Variants in STOX2 observed in about 807,000 individuals in gnomAD.
STOX2 encodes storkhead-box protein 2.
STOX2 carries 28 observed loss-of-function variants against 60.9 expected under a neutral mutation model. That is an observed-to-expected ratio of 0.46 (90% confidence interval 0.34 to 0.63). The LOEUF (loss-of-function observed/expected upper bound fraction) is 0.63. STOX2 is among the 30% of genes least tolerant of loss of function. The pLI is 0.01. For missense variants in STOX2, 1,024 were observed against 1,187.7 expected, an observed-to-expected ratio of 0.86 and a Z score of 2.03; for synonymous variants, 472 against 463.9, an observed-to-expected ratio of 1.02 and a Z score of -0.22.
intron 1 of STOX2, among the ~76,000 whole-genome samples, chr4:183,911,435 G>A (rs1741780289): frequency 1.3e-5 from 2 of 152,140 alleles, no homozygotes. Flanking sequence ...CGCTCCAACT[G>A]TGTTTTAATT....
At chr4:183,860,676 A>T (rs933709207) in intron 1 of STOX2, among the ~76,000 whole-genome samples, 7 of 152,216 alleles carry the variant, frequency 4.6e-5, no homozygotes, top group Admixed American at 2.0e-4. Flanking sequence ...TGCTATTCAG[A>T]GTAACTTAAG....
chr4:183,900,811 C>G (rs1157223056), upstream of STOX2, among the ~76,000 whole-genome samples: 1 of 152,070 alleles, frequency 6.6e-6, no homozygotes, highest in Non-Finnish European at 1.5e-5. Flanking sequence ...TAAATACATT[C>G]CCTTAAACAT....
chr4:183,999,993 T>C (rs1168108449), intron 1 of STOX2, among the ~76,000 whole-genome samples: 2 of 152,174 alleles, frequency 1.3e-5, no homozygotes, highest in Non-Finnish European at 2.9e-5. Flanking sequence ...TGGAAGTACA[T>C]TTAGGAAATC....
In STOX2 at chr4:183,820,579, T is replaced by C. The variant is rs1560830802; in HGVS notation, c.364+22524T>C. Among the ~76,000 whole-genome samples, 3 of 152,348 alleles carry C rather than the reference T, an allele frequency of 2.0e-5. No individual in the cohort carries two copies. In the South Asian group the frequency reaches 6.2e-4, roughly 32 times the overall value. On this transcript the variant is annotated intron_variant, in intron 1 of 2. Transcript: ENST00000513034. ...TTTATTCTTTACTGTTTTAAAACTT[T>C]GAGTTTTGAGTAAATTTCTTTTGAT...
intron 1 of STOX2, among the ~76,000 whole-genome samples, chr4:183,986,396 C>T (rs1732844440): frequency 6.6e-6 from 1 of 152,178 alleles, no homozygotes; most frequent in South Asian, 2.1e-4. Context: ...ACGGGGAGGA[C>T]TCAGCAGGAG....
intron 1 of STOX2, among the ~76,000 whole-genome samples, chr4:183,927,543 G>A (rs1299004899): frequency 1.3e-5 from 2 of 151,562 alleles, no homozygotes; most frequent in Non-Finnish European, 2.9e-5. Context: ...CTTAATTGCC[G>A]GTAATTACAA....
At chr4:183,924,892 G>A (rs114774557) in intron 1 of STOX2, among the ~76,000 whole-genome samples, 71 of 152,268 alleles carry the variant, frequency 4.7e-4, no homozygotes, top group African/African-American at 1.5e-3. Flanking sequence ...AGGTACATGC[G>A]TAGACCTCCC....
chr4:183,959,853 G>A (rs1743361337), intron 1 of STOX2, among the ~76,000 whole-genome samples: 1 of 152,112 alleles, frequency 6.6e-6, no homozygotes. Flanking sequence ...ATTCCATCTG[G>A]CTGGAGCTAC....
At chr4:183,998,408 G>A (rs776918369) in intron 1 of STOX2, among the ~76,000 whole-genome samples, 1 of 152,198 alleles carries the variant, frequency 6.6e-6, no homozygotes, top group Admixed American at 6.5e-5. Context: ...AGGAACTACA[G>A]GCCGGTGTCT....
In STOX2 at chr4:184,021,724, A is replaced by G. The variant is rs573975775; in HGVS notation, c.*4440A>G. ...ACTCTTCACAGTGCTGCTTGGCACC[A>G]TAGAAAATCAGTACAATATATCGAG... On this transcript the variant is annotated 3_prime_UTR_variant, in exon 4 of 4. Transcript: ENST00000308497. The G allele has an allele frequency of 1.0e-4, 16 of 152,386 alleles. No homozygotes were observed. The highest frequency in any genetic ancestry group is 3.8e-4 in the African/African-American group (16 of 41,590). The allele number at this position is 152,386 out of a possible 1,614,324, so 9.4% of individuals were successfully genotyped here.
intron 1 of STOX2, among the ~76,000 whole-genome samples, chr4:183,993,252 G>A (rs768233434): frequency 1.3e-5 from 2 of 152,200 alleles, no homozygotes; most frequent in African/African-American, 2.4e-5. Flanking sequence ...TGTGACTAAC[G>A]AAAGGTTGCG....
At position 183,815,312 on chromosome 4, in the gene STOX2, T is replaced by C. The variant is rs186730831; in HGVS notation, c.364+17257T>C. ...TGTTGTTGCTTTAAAAAACCCACTG[T>C]GAAGATGCATAAGTGGGGAAATGGA... On this transcript the variant is annotated intron_variant, in intron 1 of 2. Coordinates refer to the STOX2 transcript ENST00000513034. Among the ~76,000 whole-genome samples, 418 of 152,280 alleles carry C rather than the reference T, an allele frequency of 2.7e-3. 1 individual carries two copies. Among genetic ancestry groups the C allele is most frequent in the African/African-American group, 9.7e-3 (401 of 41,552 alleles).
intron 1 of STOX2, among the ~76,000 whole-genome samples, chr4:183,858,391 G>A (rs986114212): frequency 3.3e-5 from 5 of 152,102 alleles, no homozygotes; most frequent in African/African-American, 7.2e-5. Context: ...CCACCCACCC[G>A]GCAGCTCTTC....
chr4:183,983,692 A>C (rs1342045784), intron 1 of STOX2, among the ~76,000 whole-genome samples: 1 of 152,236 alleles, frequency 6.6e-6, no homozygotes, highest in Admixed American at 6.5e-5. Flanking sequence ...GAGGAGACTT[A>C]CTAAGGGCCA....
rs1400959461 is a variant in STOX2 at position 183,906,634 on chromosome 4, C to G, written c.-157C>G. Reference sequence around the variant, plus strand: ...GGGTGTGGGGGGGCGTGGGGAGGGCCGGACCCGCCGCTGGCGGTGTAGACG... The same window carrying G: ...GGGTGTGGGGGGGCGTGGGGAGGGCGGGACCCGCCGCTGGCGGTGTAGACG... On this transcript the variant is annotated 5_prime_UTR_variant, in exon 1 of 4. Transcript: ENST00000308497. 8 of 789,976 alleles carry G rather than the reference C, an allele frequency of 1.0e-5. No homozygotes were observed. The highest frequency in any genetic ancestry group is 1.5e-5 in the Non-Finnish European group (8 of 519,742). 48.9% of individuals were successfully genotyped at this position (789,976 alleles called of 1,614,324 possible). A position where few individuals can be genotyped will look rare whatever the true frequency, so the allele number is the denominator to read the frequency against.
intron 1 of STOX2, among the ~76,000 whole-genome samples, chr4:183,893,833 G>A (rs1402631781): frequency 6.6e-6 from 1 of 152,146 alleles, no homozygotes; most frequent in East Asian, 1.9e-4. Flanking sequence ...TTGTCCAGGA[G>A]GGTACTAGTC....
At chr4:183,878,185 C>A (rs1389105371) in intron 1 of STOX2, among the ~76,000 whole-genome samples, 1 of 152,196 alleles carries the variant, frequency 6.6e-6, no homozygotes, top group Non-Finnish European at 1.5e-5. Context: ...TTGTCCAGTG[C>A]AAGCTTCATT....
At chr4:183,842,969 G>A (rs546231533) in intron 1 of STOX2, among the ~76,000 whole-genome samples, 14 of 152,026 alleles carry the variant, frequency 9.2e-5, no homozygotes, top group Non-Finnish European at 1.3e-4. Flanking sequence ...CCAAGATGGC[G>A]AAACCCCATC....
chr4:183,834,491 A>G, intron 1 of STOX2, among the ~76,000 whole-genome samples: 1 of 151,906 alleles, frequency 6.6e-6, no homozygotes. Flanking sequence ...AGAGGTGCGG[A>G]GTTGGAATGG....
Sources: allele counts gnomAD v4.1 joint callset (sites outside exome capture counted in the v4.1 genomes callset), GRCh38; gene constraint gnomAD v4.1.1; transcripts MANE v1.5; gene names NCBI Gene and HGNC (gene_info 2026-07-23, HGNC 2026-07-21).